PLCXD3: variants seen among roughly 807,000 people sequenced by gnomAD.
The protein encoded by PLCXD3 is phosphatidylinositol specific phospholipase C X domain containing 3.
In PLCXD3, 19 loss-of-function variants were observed where a neutral mutation model predicts 25.5. The observed-to-expected ratio is 0.75, with a 90% CI of 0.52 to 1.09. PLCXD3 has a LOEUF of 1.09. Ranked by LOEUF, PLCXD3 falls within the 50% of genes least tolerant of loss-of-function variation. The pLI is 0.00. For missense variants in PLCXD3, 411 were observed against 388.1 expected (o/e 1.06, Z -0.50); for synonymous variants, 174 against 137.6 (o/e 1.26, Z -1.85).
chr5:41,399,546 C>T (rs1449215330), intron 1 of PLCXD3, among the ~76,000 whole-genome samples: 2 of 152,064 alleles, frequency 1.3e-5, no homozygotes, highest in Non-Finnish European at 2.9e-5. Flanking sequence ...CTCCACACTC[C>T]CACATTAAAC....
At chr5:41,328,183 T>G (rs1435962450) in intron 2 of PLCXD3, among the ~76,000 whole-genome samples, 2 of 152,144 alleles carry the variant, frequency 1.3e-5, no homozygotes, top group Non-Finnish European at 2.9e-5. Flanking sequence ...ATCTATAAAG[T>G]GGGCATAATA....
intron 2 of PLCXD3, among the ~76,000 whole-genome samples, chr5:41,336,005 A>G (rs1415233595): frequency 2.6e-5 from 4 of 152,126 alleles, no homozygotes; most frequent in Non-Finnish European, 5.9e-5. Context: ...CCAAGGACTC[A>G]TAAGTAAGTG....
chr5:41,502,277 T>C (rs1437026065), intron 1 of PLCXD3, among the ~76,000 whole-genome samples: 2 of 152,104 alleles, frequency 1.3e-5, no homozygotes, highest in African/African-American at 4.8e-5. Context: ...CTGAGGAAGA[T>C]CTTGTCTGTT....
At chr5:41,493,688 C>T (rs915422913) in intron 1 of PLCXD3, among the ~76,000 whole-genome samples, 1 of 152,232 alleles carries the variant, frequency 6.6e-6, no homozygotes, top group Non-Finnish European at 1.5e-5. Context: ...TGATCTCAGA[C>T]TGCTGTGCTA....
intron 2 of PLCXD3, among the ~76,000 whole-genome samples, chr5:41,328,415 G>T (rs1183691090): frequency 1.3e-5 from 2 of 152,198 alleles, no homozygotes; most frequent in African/African-American, 2.4e-5. Flanking sequence ...AGACAGAAAA[G>T]AGGGGGATAA....
intron 2 of PLCXD3, among the ~76,000 whole-genome samples, chr5:41,324,865 A>G (rs1743581206): frequency 1.3e-5 from 2 of 152,206 alleles, no homozygotes; most frequent in Non-Finnish European, 1.5e-5. Context: ...GGCGGAGTAG[A>G]TAAGTGTGAT....
chr5:41,421,846 C>CTT (rs915790999), intron 1 of PLCXD3, among the ~76,000 whole-genome samples: 3 of 152,110 alleles, frequency 2.0e-5, no homozygotes, highest in African/African-American at 7.2e-5. Context: ...TGCTAAAAAA[C>CTT]TTTTTTTAGG....
intron 1 of PLCXD3, among the ~76,000 whole-genome samples, chr5:41,410,443 C>G (rs1300293039): frequency 6.6e-6 from 1 of 151,932 alleles, no homozygotes; most frequent in African/African-American, 2.4e-5. Context: ...GTGCCCGTCC[C>G]CCGCCCCCCA....
chr5:41,322,742 T>C (rs112066269), intron 2 of PLCXD3, among the ~76,000 whole-genome samples: 26,626 of 152,080 alleles, frequency 0.18, 4,037 homozygotes, highest in African/African-American at 0.39. Context: ...TTTGGGAGGC[T>C]GAGGTGGGCA....
intron 1 of PLCXD3, among the ~76,000 whole-genome samples, chr5:41,470,421 T>C (rs1265509390): frequency 6.6e-6 from 1 of 152,078 alleles, no homozygotes; most frequent in Non-Finnish European, 1.5e-5. Context: ...TCATGGAAGA[T>C]GCAATGAGGA....
At chr5:41,360,145 G>C (rs1744732166) in intron 2 of PLCXD3, among the ~76,000 whole-genome samples, 1 of 152,000 alleles carries the variant, frequency 6.6e-6, no homozygotes, top group African/African-American at 2.4e-5. Context: ...AGACTTTCTA[G>C]TACATTTTGC....
chr5:41,416,732 A>G (rs1025760849), intron 1 of PLCXD3, among the ~76,000 whole-genome samples: 3 of 152,214 alleles, frequency 2.0e-5, no homozygotes, highest in African/African-American at 7.2e-5. Flanking sequence ...TGGCAGGTTG[A>G]GAACATTCAA....
intron 1 of PLCXD3, among the ~76,000 whole-genome samples, chr5:41,430,150 A>C (rs1457126): frequency 0.012 from 1,761 of 152,322 alleles, 36 homozygotes; most frequent in African/African-American, 0.041. Context: ...CATAGTAACA[A>C]TAATAGCACC....
chr5:41,427,560 A>T (rs568172690), intron 1 of PLCXD3, among the ~76,000 whole-genome samples: 2 of 152,282 alleles, frequency 1.3e-5, no homozygotes, highest in East Asian at 3.9e-4. Context: ...TTATCTATTA[A>T]TTCAAGTTTT....
At position 41,395,013 on chromosome 5, in the gene PLCXD3, A is replaced by C. The variant is rs535594396; in HGVS notation, c.104-12479T>G. ...ACAGAAAATTTTATCCATGAGCTGC[A>C]GAATACATGTTCTTTTCCTCAGCAC... On this transcript the variant is annotated intron_variant, in intron 1 of 2. Transcript: ENST00000377801. 6.6e-5 allele frequency among the ~76,000 whole-genome samples: 10 copies of C among 152,308 alleles called. No individual in the cohort carries two copies. The South Asian group carries it at 2.1e-3, about 32-fold the overall frequency.
intron 1 of PLCXD3, among the ~76,000 whole-genome samples, chr5:41,496,101 G>T (rs185255655): frequency 6.6e-6 from 1 of 152,036 alleles, no homozygotes; most frequent in Non-Finnish European, 1.5e-5. Flanking sequence ...AGATATTCAA[G>T]AGCAGACTTG....
intron 1 of PLCXD3, among the ~76,000 whole-genome samples, chr5:41,451,169 T>G (rs2150514149): frequency 6.6e-6 from 1 of 152,110 alleles, no homozygotes; most frequent in East Asian, 1.9e-4. Flanking sequence ...ATACCAAAGG[T>G]TCAAGGGCTT....
chr5:41,368,513 C>T (rs1016351180), intron 2 of PLCXD3, among the ~76,000 whole-genome samples: 31 of 152,136 alleles, frequency 2.0e-4, no homozygotes, highest in African/African-American at 7.2e-4. Flanking sequence ...TCTTCCTATT[C>T]GTATACGCTT....
intron 1 of PLCXD3, among the ~76,000 whole-genome samples, chr5:41,419,422 T>C (rs775027040): frequency 6.6e-6 from 1 of 152,222 alleles, no homozygotes; most frequent in Non-Finnish European, 1.5e-5. Context: ...TCCTAGGATA[T>C]GATAGTGTTT....
Sources: gnomAD v4.1 joint callset for allele counts (sites outside exome capture counted in the v4.1 genomes callset) on GRCh38, gnomAD v4.1.1 for gene constraint, MANE v1.5 for transcripts, NCBI Gene and HGNC (gene_info 2026-07-23, HGNC 2026-07-21) for gene names.